Variants in CABIN1 observed in about 807,000 individuals in gnomAD.
The protein encoded by CABIN1 is calcineurin binding protein 1.
In CABIN1, 133 loss-of-function variants were observed where a neutral mutation model predicts 227.7. That is an observed-to-expected ratio of 0.58 (90% CI 0.51 to 0.67). The LOEUF is 0.67. Among genes scored for constraint, CABIN1 ranks in the 30% least tolerant of loss-of-function variants. CABIN1 has a pLI of 0.00. For missense variants in CABIN1, 2,408 were observed against 2,852.5 expected (o/e 0.84, Z 3.55); for synonymous variants, 1,086 against 1,155.1 (o/e 0.94, Z 1.21).
intron 1 of CABIN1, among the ~76,000 whole-genome samples, chr22:24,029,650 T>G (rs141902921): frequency 7.2e-5 from 11 of 152,094 alleles, no homozygotes; most frequent in South Asian, 2.1e-4. Flanking sequence ...TATTCTGGCT[T>G]CTTCTTAATT....
intron 29 of CABIN1, among the ~76,000 whole-genome samples, chr22:24,151,748 CCT>C (rs2045497469): frequency 6.6e-6 from 1 of 152,128 alleles, no homozygotes; most frequent in Non-Finnish European, 1.5e-5. Context: ...CCCTGCAACC[CCT>C]CTCTCTCCAC....
At chr22:24,128,023 GC>G (rs1329499151) in intron 28 of CABIN1, among the ~76,000 whole-genome samples, 8 of 152,188 alleles carry the variant, frequency 5.3e-5, no homozygotes, top group African/African-American at 1.9e-4. Context: ...CCTTCCTCTA[GC>G]TGTGATGACC....
At chr22:24,128,079 C>A (rs1422906979) in intron 28 of CABIN1, among the ~76,000 whole-genome samples, 1 of 152,048 alleles carries the variant, frequency 6.6e-6, no homozygotes, top group Non-Finnish European at 1.5e-5. Flanking sequence ...GGGGACAGAC[C>A]CCCACCCCCA....
intron 1 of CABIN1, among the ~76,000 whole-genome samples, chr22:24,025,383 T>A (rs1259781945): frequency 6.6e-6 from 1 of 152,164 alleles, no homozygotes; most frequent in Non-Finnish European, 1.5e-5. Flanking sequence ...AGAAGCCACC[T>A]GTGAAAACAT....
rs2037081047 is a variant in CABIN1, at chr22:24,038,284, AT to A, written c.97-59del. 1.6e-5 allele frequency: 21 copies of A among 1,340,234 alleles called. 1 individual carries two copies. Among genetic ancestry groups the A allele is most frequent in the Non-Finnish European group, 2.3e-5 (21 of 932,616 alleles). 83.0% of individuals were successfully genotyped at this position (1,340,234 alleles called of 1,614,324 possible). On this transcript the variant is annotated intron_variant, in intron 3 of 36. Coordinates refer to ENST00000263119, the MANE Select transcript of CABIN1 (RefSeq NM_012295.4). The stretch of plus-strand genomic sequence containing the variant: ...CTGACTGTAGCCCCGCCTTACACAC[AT>A]TTTTGGCTTAAAAAAGACAGATCTT...
chr22:24,137,741 T>A lies in CABIN1; in HGVS notation c.4746+3326T>A, dbSNP rs548703397. On this transcript the variant is annotated intron_variant, in intron 29 of 36. Transcript: ENST00000263119. ...ATGTCAAGAAATGCTGGGCAGTTCC[T>A]GAATGCTTTCAGCAAATGAGTCTAT... Among the ~76,000 whole-genome samples the A allele has an allele frequency of 1.2e-4, 18 of 152,386 alleles. No homozygotes were observed. The South Asian group carries it at 3.7e-3, about 32-fold the overall frequency.
intron 35 of CABIN1, 49 bp downstream of exon 35, chr22:24,176,324 C>T: frequency 1.9e-6 from 3 of 1,556,030 alleles, no homozygotes; most frequent in Non-Finnish European, 2.6e-6. Flanking sequence ...GAGGCTGCCT[C>T]ACAGCTGGCA....
intron 26 of CABIN1, among the ~76,000 whole-genome samples, chr22:24,098,517 G>A (rs1447403295): frequency 6.6e-6 from 1 of 152,184 alleles, no homozygotes; most frequent in Non-Finnish European, 1.5e-5. Flanking sequence ...AAGGAAGTTA[G>A]AAGAGTGTGG....
At chr22:24,110,882 A>T (rs559278830) in intron 26 of CABIN1, among the ~76,000 whole-genome samples, 48 of 59,246 alleles carry the variant, frequency 8.1e-4, no homozygotes, top group East Asian at 4.6e-3. Context: ...TTTTTTTTTT[A>T]AATGTGTGTG....
intron 12 of CABIN1, among the ~76,000 whole-genome samples, chr22:24,061,482 A>G (rs957546136): frequency 6.6e-6 from 1 of 152,268 alleles, no homozygotes; most frequent in Non-Finnish European, 1.5e-5. Flanking sequence ...GTTGTGAAAC[A>G]GCAGGAGGAA....
chr22:24,045,607 CAAA>C (rs71320746), intron 6 of CABIN1, among the ~76,000 whole-genome samples: 1 of 137,310 alleles, frequency 7.3e-6, no homozygotes, highest in African/African-American at 2.7e-5. Flanking sequence ...GACTCTGCCT[CAAA>C]AAAAAAAAAA....
At chr22:24,084,954 C>T in intron 21 of CABIN1, 52 bp from the exon 22 acceptor site, 2 of 1,610,884 alleles carry the variant, frequency 1.2e-6, no homozygotes, top group South Asian at 1.1e-5. Context: ...TTACTGGTCA[C>T]ATCTGAGTCC....
chr22:24,106,285 G>C (rs2042511765), intron 26 of CABIN1, among the ~76,000 whole-genome samples: 1 of 152,256 alleles, frequency 6.6e-6, no homozygotes, highest in African/African-American at 2.4e-5. Flanking sequence ...CTTGGCTGCA[G>C]GTCTGGTAAC....
At chr22:24,099,512 C>T (rs1230432451) in intron 26 of CABIN1, among the ~76,000 whole-genome samples, 1 of 152,138 alleles carries the variant, frequency 6.6e-6, no homozygotes, top group Admixed American at 6.5e-5. Context: ...GAGTGTTAAG[C>T]AGAGATGGGA....
At chr22:24,163,449 C>T (rs553230555) in intron 29 of CABIN1, among the ~76,000 whole-genome samples, 81 of 152,142 alleles carry the variant, frequency 5.3e-4, no homozygotes, top group Non-Finnish European at 9.6e-4. Context: ...GGGCCCAAGT[C>T]CCCAGAATCC....
chr22:24,011,617 T>C (rs981059424), intron 1 of CABIN1: 1 of 151,746 alleles, frequency 6.6e-6, no homozygotes, highest in African/African-American at 2.4e-5. Context: ...TCCGGGGAGG[T>C]TCCCAGTAAC....
At chr22:24,082,695 T>C (rs2040886379) in intron 19 of CABIN1, among the ~76,000 whole-genome samples, 1 of 152,238 alleles carries the variant, frequency 6.6e-6, no homozygotes, top group South Asian at 2.1e-4. Context: ...GTTTACTATG[T>C]TGTTCACATC....
chr22:24,114,065 T>C (rs1194924284), intron 27 of CABIN1, among the ~76,000 whole-genome samples: 3 of 146,430 alleles, frequency 2.0e-5, no homozygotes, highest in Non-Finnish European at 4.4e-5. Context: ...GTTTTTGTTG[T>C]TGTTGTTGTT....
At chr22:24,170,972 C>T (rs1157320238) in intron 33 of CABIN1, among the ~76,000 whole-genome samples, 1 of 152,190 alleles carries the variant, frequency 6.6e-6, no homozygotes, top group Non-Finnish European at 1.5e-5. Flanking sequence ...GACATGCTGT[C>T]AGGGCACTGG....
Sources: allele counts gnomAD v4.1 joint callset (sites outside exome capture counted in the v4.1 genomes callset), GRCh38; gene constraint gnomAD v4.1.1; transcripts MANE v1.5; gene names NCBI Gene and HGNC (gene_info 2026-07-23, HGNC 2026-07-21).